The following GPC6 variants were observed in gnomAD, a reference collection of about 807,000 sequenced individuals.
The protein encoded by GPC6 is glypican 6.
Under a neutral mutation model 55.2 loss-of-function variants are expected in GPC6, and 14 were observed. The observed-to-expected ratio is 0.25, with a 90% CI of 0.17 to 0.40. GPC6 has a LOEUF of 0.40. GPC6 is among the 10% of genes least tolerant of loss of function. The pLI is 1.00. For synonymous variants in GPC6, 278 were observed against 259.6 expected (o/e 1.07, Z -0.68); for missense variants, 641 against 708.5 (o/e 0.90, Z 1.08).
chr13:94,077,757 T>C (rs1231023547), intron 4 of GPC6, among the ~76,000 whole-genome samples: 1 of 151,798 alleles, frequency 6.6e-6, no homozygotes, highest in African/African-American at 2.4e-5. Flanking sequence ...ATTCCCTTAA[T>C]GTAGTATTTC....
At chr13:93,989,785 G>A (rs1881210457) in intron 3 of GPC6, among the ~76,000 whole-genome samples, 1 of 152,036 alleles carries the variant, frequency 6.6e-6, no homozygotes, top group Non-Finnish European at 1.5e-5. Flanking sequence ...CTCTGATTTA[G>A]TCAAGCTTTC....
intron 6 of GPC6, among the ~76,000 whole-genome samples, chr13:94,377,058 AT>A (rs1879899535): frequency 6.6e-6 from 1 of 151,526 alleles, no homozygotes; most frequent in South Asian, 2.1e-4. Flanking sequence ...TTCAAGATGG[AT>A]TAAAGACTTA....
intron 4 of GPC6, among the ~76,000 whole-genome samples, chr13:94,108,120 A>G (rs748678517): frequency 2.0e-5 from 3 of 152,208 alleles, no homozygotes; most frequent in Non-Finnish European, 2.9e-5. Flanking sequence ...CGCAACTGCA[A>G]AAATGTGGAA....
chr13:93,875,933 G>T (rs1358729727), intron 3 of GPC6, among the ~76,000 whole-genome samples: 1 of 152,004 alleles, frequency 6.6e-6, no homozygotes, highest in Admixed American at 6.6e-5. Context: ...TTCTAACAAG[G>T]CTCAGGCATT....
intron 1 of GPC6, among the ~76,000 whole-genome samples, chr13:93,245,286 G>A (rs184154189): frequency 7.6e-4 from 116 of 152,310 alleles, no homozygotes; most frequent in African/African-American, 2.5e-3. Flanking sequence ...CCGTTATTCA[G>A]TTTTGGATAC....
chr13:94,311,004 G>A (rs1594156574), intron 6 of GPC6, among the ~76,000 whole-genome samples: 2 of 152,104 alleles, frequency 1.3e-5, no homozygotes, highest in African/African-American at 4.8e-5. Flanking sequence ...TTAAAAAATA[G>A]GTTGTTTGCT....
At chr13:94,335,424 T>TATC (rs1374444973) in intron 6 of GPC6, among the ~76,000 whole-genome samples, 1 of 152,154 alleles carries the variant, frequency 6.6e-6, no homozygotes, top group African/African-American at 2.4e-5. Flanking sequence ...CAAGAAGTAG[T>TATC]ATCAGGTACA....
At chr13:93,322,727 A>T (rs970774390) in intron 1 of GPC6, among the ~76,000 whole-genome samples, 2 of 152,100 alleles carry the variant, frequency 1.3e-5, no homozygotes, top group Non-Finnish European at 2.9e-5. Context: ...GGCATGAGCC[A>T]CCACACCTGG....
chr13:93,568,293 G>A (rs1349030506), intron 2 of GPC6, among the ~76,000 whole-genome samples: 2 of 152,086 alleles, frequency 1.3e-5, no homozygotes, highest in Non-Finnish European at 2.9e-5. Context: ...ATTAACTAGG[G>A]AAAGATAACG....
chr13:93,267,721 G>T (rs1433615233), intron 1 of GPC6, among the ~76,000 whole-genome samples: 2 of 152,120 alleles, frequency 1.3e-5, no homozygotes, highest in African/African-American at 2.4e-5. Flanking sequence ...AAATATTGTT[G>T]AAGTATTATC....
At chr13:93,635,133 A>G (rs16949061) in intron 2 of GPC6, among the ~76,000 whole-genome samples, 6,643 of 151,710 alleles carry the variant, frequency 0.044, 500 homozygotes, top group African/African-American at 0.15. Flanking sequence ...AATTTGGCAT[A>G]ATACAGCTTT....
intron 6 of GPC6, among the ~76,000 whole-genome samples, chr13:94,367,812 C>T (rs1879349865): frequency 6.6e-6 from 1 of 150,786 alleles, no homozygotes; most frequent in Non-Finnish European, 1.5e-5. Context: ...TTATATCCTT[C>T]TTAGTCTTTC....
chr13:93,552,480 GTCTCTC>G (rs61674043), intron 2 of GPC6, among the ~76,000 whole-genome samples: 7 of 146,840 alleles, frequency 4.8e-5, no homozygotes, highest in African/African-American at 1.0e-4. Flanking sequence ...CTGTCTCTCT[GTCTCTC>G]TCTCTCTCTC....
intron 1 of GPC6, among the ~76,000 whole-genome samples, chr13:93,450,139 AC>A (rs1197898488): frequency 2.6e-5 from 4 of 152,014 alleles, no homozygotes; most frequent in African/African-American, 9.7e-5. Context: ...TTTATCCACC[AC>A]TGGAGTTTTT....
intron 1 of GPC6, among the ~76,000 whole-genome samples, chr13:93,544,997 A>G (rs1874701289): frequency 6.6e-6 from 1 of 152,196 alleles, no homozygotes; most frequent in South Asian, 2.1e-4. Context: ...AAGCCAGGAA[A>G]AAATGCCACA....
At chr13:93,750,637 C>T (rs1000279930) in intron 2 of GPC6, among the ~76,000 whole-genome samples, 28 of 152,048 alleles carry the variant, frequency 1.8e-4, no homozygotes, top group Admixed American at 1.3e-3. Flanking sequence ...ACGTGTTCTC[C>T]GTTCTCAGCA....
intron 4 of GPC6, among the ~76,000 whole-genome samples, chr13:94,161,017 CCA>C (rs1219816529): frequency 2.0e-5 from 3 of 152,114 alleles, no homozygotes; most frequent in Non-Finnish European, 4.4e-5. Flanking sequence ...GTGCCTGCCC[CCA>C]CAGAGCTGTG....
At chr13:93,819,247 T>G (rs1410320958) in intron 2 of GPC6, among the ~76,000 whole-genome samples, 1 of 152,184 alleles carries the variant, frequency 6.6e-6, no homozygotes, top group Non-Finnish European at 1.5e-5. Flanking sequence ...AAAAACTAGC[T>G]TTGGGTCCAC....
intron 3 of GPC6, among the ~76,000 whole-genome samples, chr13:93,873,731 G>A (rs142553953): frequency 1.3e-5 from 2 of 152,042 alleles, no homozygotes; most frequent in African/African-American, 2.4e-5. Flanking sequence ...ATAAACCAGA[G>A]TCTATCTGAA....
Sources: allele counts gnomAD v4.1 joint callset (sites outside exome capture counted in the v4.1 genomes callset), GRCh38; gene constraint gnomAD v4.1.1; transcripts MANE v1.5; gene names NCBI Gene and HGNC (gene_info 2026-07-23, HGNC 2026-07-21).